NRXN3: variants seen among roughly 807,000 people sequenced by gnomAD.
NRXN3 encodes the protein neurexin III.
In NRXN3, 32 loss-of-function variants were observed where a neutral mutation model predicts 137.6. The ratio of observed to expected loss-of-function variants is 0.23; its 90% CI spans 0.18 to 0.31. The LOEUF (loss-of-function observed/expected upper bound fraction) is 0.31. Ranked by LOEUF, NRXN3 falls within the 10% of genes least tolerant of loss-of-function variation. The pLI is 1.00. For synonymous variants in NRXN3, 798 were observed against 784.5 expected (o/e 1.02, Z -0.29); for missense variants, 1,574 against 2,062.5 (o/e 0.76, Z 4.59).
At chr14:78,934,742 T>C (rs1015620666) in intron 10 of NRXN3, among the ~76,000 whole-genome samples, 4 of 151,364 alleles carry the variant, frequency 2.6e-5, no homozygotes, top group African/African-American at 9.7e-5. Context: ...TTCTCACTCA[T>C]AGGTGGGAAT....
At chr14:78,499,881 G>A (rs2095852029) in intron 4 of NRXN3, among the ~76,000 whole-genome samples, 1 of 152,088 alleles carries the variant, frequency 6.6e-6, no homozygotes, top group South Asian at 2.1e-4. Context: ...GGGAGAGAGA[G>A]AGACAGAGCC....
intron 15 of NRXN3, among the ~76,000 whole-genome samples, chr14:79,219,624 T>C (rs188022214): frequency 4.5e-4 from 68 of 152,304 alleles, no homozygotes; most frequent in African/African-American, 1.5e-3. Context: ...CCTGAATAGC[T>C]TAAGATCTCT....
chr14:78,997,132 C>T (rs1377174197), intron 15 of NRXN3, among the ~76,000 whole-genome samples: 1 of 152,076 alleles, frequency 6.6e-6, no homozygotes, highest in Non-Finnish European at 1.5e-5. Context: ...TTTTCACAAC[C>T]CTCCCTGAAA....
chr14:79,481,330 A>G (rs1260813699), intron 16 of NRXN3, among the ~76,000 whole-genome samples: 1 of 152,172 alleles, frequency 6.6e-6, no homozygotes. Context: ...TCATTCTAAT[A>G]TGCTCACGAG....
chr14:78,428,488 C>G (rs1022605152), intron 4 of NRXN3, among the ~76,000 whole-genome samples: 6 of 151,908 alleles, frequency 3.9e-5, no homozygotes, highest in African/African-American at 1.5e-4. Flanking sequence ...AGAAACAGAA[C>G]CAATAGGATG....
chr14:79,648,620 C>T lies in NRXN3; in HGVS notation c.3445-15158C>T, dbSNP rs181623899. Among the ~76,000 whole-genome samples the T allele has an allele frequency of 4.6e-4, 63 of 137,436 alleles. 8 individuals carry two copies. Among genetic ancestry groups the T allele is most frequent in the Middle Eastern group, 3.7e-3 (1 of 268 alleles). The allele number at this position is 137,436 out of a possible 152,430, so 90.2% of individuals were successfully genotyped here. A position where few individuals can be genotyped will look rare whatever the true frequency, so the allele number is the denominator to read the frequency against. ...AATCAAATCAAAATAATTTTCATTA[C>T]TCTTCCAATAATTGTGCCTTCCAGA... On this transcript the variant is annotated intron_variant, in intron 16 of 20. Transcript: ENST00000335750.
At position 79,019,877 on chromosome 14, in the gene NRXN3, A is replaced by C. The variant is rs1054570201; in HGVS notation, c.3262+31736A>C. The stretch of plus-strand genomic sequence containing the variant: ...GGGAAACCAAGACAGGACTGTAACC[A>C]GAGAGAGAAATGGATTGAAAGGGGA... On this transcript the variant is annotated intron_variant, in intron 15 of 20. Coordinates refer to ENST00000335750, the MANE Select transcript of NRXN3 (RefSeq NM_001330195.2). Among the ~76,000 whole-genome samples the C allele has an allele frequency of 2.0e-5, 3 of 152,278 alleles. No homozygotes were observed. In the East Asian group the frequency reaches 5.8e-4, roughly 29 times the overall value.
chr14:78,801,036 A>G (rs1003215094), intron 8 of NRXN3, among the ~76,000 whole-genome samples: 2 of 152,200 alleles, frequency 1.3e-5, no homozygotes, highest in Non-Finnish European at 2.9e-5. Context: ...AAAGAAATAC[A>G]TGAGGCCGGG....
intron 16 of NRXN3, among the ~76,000 whole-genome samples, chr14:79,571,793 T>A (rs1359575448): frequency 1.3e-5 from 2 of 152,060 alleles, no homozygotes; most frequent in African/African-American, 4.8e-5. Context: ...AATTATTGAG[T>A]CTAGAGAACT....
chr14:79,023,494 T>G (rs1056316791), intron 15 of NRXN3, among the ~76,000 whole-genome samples: 1 of 151,690 alleles, frequency 6.6e-6, no homozygotes, highest in Admixed American at 6.6e-5. Context: ...GAAAAAACAT[T>G]TGTGTTGGGA....
At chr14:79,818,322 G>C (rs1417336223) in intron 20 of NRXN3, among the ~76,000 whole-genome samples, 1 of 152,000 alleles carries the variant, frequency 6.6e-6, no homozygotes, top group Non-Finnish European at 1.5e-5. Flanking sequence ...CAAAGTGCTG[G>C]GATTACAGGC....
At chr14:79,060,551 T>A (rs942554222) in intron 15 of NRXN3, among the ~76,000 whole-genome samples, 4 of 152,184 alleles carry the variant, frequency 2.6e-5, no homozygotes, top group Non-Finnish European at 5.9e-5. Context: ...AGTTTTTTTT[T>A]AGCATAAAGT....
At chr14:78,895,783 A>G (rs941033891) in intron 10 of NRXN3, among the ~76,000 whole-genome samples, 3 of 151,818 alleles carry the variant, frequency 2.0e-5, no homozygotes, top group Admixed American at 2.0e-4. Flanking sequence ...AATTGGCCTA[A>G]TTTCTATATT....
chr14:78,784,023 T>C (rs1450771487), intron 8 of NRXN3, among the ~76,000 whole-genome samples: 1 of 150,484 alleles, frequency 6.6e-6, no homozygotes, highest in East Asian at 2.0e-4. Flanking sequence ...GTATCTGCAT[T>C]CTTGGAGCTT....
chr14:78,995,322 A>G (rs1306069103), intron 15 of NRXN3, among the ~76,000 whole-genome samples: 2 of 152,188 alleles, frequency 1.3e-5, no homozygotes, highest in African/African-American at 4.8e-5. Context: ...CAAACTATTT[A>G]TATTTTCATT....
chr14:78,608,815 C>G (rs1029643747), intron 4 of NRXN3, among the ~76,000 whole-genome samples: 2 of 152,150 alleles, frequency 1.3e-5, no homozygotes, highest in Non-Finnish European at 2.9e-5. Context: ...AGAGGACACT[C>G]AGAGAAGGGG....
intron 1 of NRXN3, among the ~76,000 whole-genome samples, chr14:78,187,415 T>C (rs779807223): frequency 3.9e-5 from 6 of 152,140 alleles, no homozygotes; most frequent in African/African-American, 7.2e-5. Context: ...TGAGTCTACA[T>C]GCCATTCAGA....
chr14:78,844,805 A>G (rs1051313107), intron 10 of NRXN3, among the ~76,000 whole-genome samples: 10 of 152,116 alleles, frequency 6.6e-5, no homozygotes, highest in Non-Finnish European at 1.3e-4. Flanking sequence ...ACCCTGACTA[A>G]TATACTGAGT....
intron 15 of NRXN3, among the ~76,000 whole-genome samples, chr14:79,050,726 G>C (rs1035674188): frequency 3.9e-5 from 6 of 152,172 alleles, no homozygotes; most frequent in Admixed American, 3.3e-4. Flanking sequence ...CACATAGCTT[G>C]TTCTCTCCCA....
Sources: gnomAD v4.1 joint callset for allele counts (sites outside exome capture counted in the v4.1 genomes callset) on GRCh38, gnomAD v4.1.1 for gene constraint, MANE v1.5 for transcripts, NCBI Gene and HGNC (gene_info 2026-07-23, HGNC 2026-07-21) for gene names.